The following SH3KBP1 variants were observed in gnomAD, a reference collection of about 807,000 sequenced individuals.
SH3KBP1 encodes SH3 domain-containing kinase-binding protein 1.
SH3KBP1 carries 8 observed loss-of-function variants against 50.1 expected under a neutral mutation model. The ratio of observed to expected loss-of-function variants is 0.16; its 90% CI spans 0.09 to 0.29. The LOEUF (loss-of-function observed/expected upper bound fraction) is 0.29. Ranked by LOEUF, SH3KBP1 falls within the 10% of genes least tolerant of loss-of-function variation. SH3KBP1 has a pLI of 1.00. For synonymous variants in SH3KBP1, 227 were observed against 218.6 expected (o/e 1.04, Z -0.34); for missense variants, 377 against 535.2 (o/e 0.70, Z 2.92).
chrX:19,732,435 C>T (rs999865251), intron 3 of SH3KBP1, among the ~76,000 whole-genome samples: 1 of 110,158 alleles, frequency 9.1e-6, no homozygotes, highest in African/African-American at 3.3e-5. Context: ...CGGGAAAAAT[C>T]GGCCCTCTGT....
chrX:19,602,156 A>G (rs761826999), intron 9 of SH3KBP1, among the ~76,000 whole-genome samples: 7 of 110,864 alleles, frequency 6.3e-5, no homozygotes, highest in African/African-American at 2.0e-4. Context: ...CTCTTGGTCT[A>G]GGAAGGACAA....
In SH3KBP1 at chrX:19,577,385, G is replaced by T. The variant is rs767818481; in HGVS notation, c.1299-8197C>A. On this transcript the variant is annotated intron_variant, in intron 12 of 17. Transcript: ENST00000397821. ...TTGGAGACAGTGAGTTATCAAGGAC[G>T]CCAGGCAGCCTGTGTCACCCCGGCT... is the stretch of plus-strand genomic sequence containing the variant. Among the ~76,000 whole-genome samples, 5 of 111,549 alleles carry T rather than the reference G, an allele frequency of 4.5e-5. No individual in the cohort carries two copies. In the East Asian group the frequency reaches 1.4e-3, roughly 31 times the overall value.
intron 2 of SH3KBP1, among the ~76,000 whole-genome samples, chrX:19,748,434 C>T (rs1174981489): frequency 2.7e-5 from 3 of 111,100 alleles, no homozygotes; most frequent in Admixed American, 9.5e-5. Context: ...CAGAGCAGCA[C>T]GTGGGGAGCA....
At chrX:19,630,442 G>C (rs923558942) in intron 8 of SH3KBP1, among the ~76,000 whole-genome samples, 21 of 112,312 alleles carry the variant, frequency 1.9e-4, no homozygotes, top group African/African-American at 6.2e-4. Flanking sequence ...TGCACTGTGT[G>C]TCAGAAAGCA....
intron 3 of SH3KBP1, among the ~76,000 whole-genome samples, chrX:19,726,007 C>A (rs1315208317): frequency 1.8e-5 from 2 of 111,813 alleles, no homozygotes; most frequent in East Asian, 5.6e-4. Context: ...GGAGGGAGGG[C>A]CAGCCTAGAG....
chrX:19,729,571 A>G (rs751183588), intron 3 of SH3KBP1, among the ~76,000 whole-genome samples: 52 of 112,309 alleles, frequency 4.6e-4, no homozygotes, highest in Non-Finnish European at 8.6e-4. Flanking sequence ...AAACTGCAAA[A>G]GCATTTCTGT....
chrX:19,783,564 C>T (rs2066250715), intron 2 of SH3KBP1, among the ~76,000 whole-genome samples: 1 of 111,430 alleles, frequency 9.0e-6, no homozygotes, highest in African/African-American at 3.3e-5. Flanking sequence ...CTGTACCCTT[C>T]CCAACCTCTT....
chrX:19,834,168 G>A (rs769119456), intron 2 of SH3KBP1, among the ~76,000 whole-genome samples: 9 of 112,022 alleles, frequency 8.0e-5, no homozygotes, highest in Admixed American at 1.9e-4. Flanking sequence ...ATTCATTTTC[G>A]ACTCTGAAAG....
intron 13 of SH3KBP1, among the ~76,000 whole-genome samples, chrX:19,567,694 T>C (rs1254450391): frequency 9.5e-6 from 1 of 105,423 alleles, no homozygotes; most frequent in Non-Finnish European, 1.9e-5. Flanking sequence ...TGTAAGATGT[T>C]ACTATTGGGG....
intron 12 of SH3KBP1, among the ~76,000 whole-genome samples, chrX:19,573,804 C>A (rs2066116571): frequency 9.0e-6 from 1 of 111,193 alleles, no homozygotes; most frequent in East Asian, 2.8e-4. Flanking sequence ...GTTATGAACC[C>A]TAGACTTAAA....
intron 9 of SH3KBP1, among the ~76,000 whole-genome samples, chrX:19,603,500 C>A (rs2067154379): frequency 8.9e-6 from 1 of 111,967 alleles, no homozygotes; most frequent in Non-Finnish European, 1.9e-5. Flanking sequence ...TCTTCGAGGG[C>A]AGGTTTCTGA....
At chrX:19,810,934 A>G (rs2067187366) in intron 2 of SH3KBP1, among the ~76,000 whole-genome samples, 1 of 112,047 alleles carries the variant, frequency 8.9e-6, no homozygotes, top group African/African-American at 3.2e-5. Flanking sequence ...AATAAGCACA[A>G]AGAAGTGATT....
intron 2 of SH3KBP1, among the ~76,000 whole-genome samples, chrX:19,831,651 C>T (rs887010227): frequency 9.4e-6 from 1 of 106,881 alleles, no homozygotes; most frequent in Non-Finnish European, 1.9e-5. Flanking sequence ...ATCAGCCAGG[C>T]GTGGTGGCAC....
intron 1 of SH3KBP1, among the ~76,000 whole-genome samples, chrX:19,854,162 C>CAA: frequency 9.1e-6 from 1 of 110,095 alleles, no homozygotes; most frequent in African/African-American, 3.3e-5. Context: ...ATTGCCCAGG[C>CAA]TGGAGTGCAG....
At chrX:19,779,924 G>A (rs1467733271) in intron 2 of SH3KBP1, among the ~76,000 whole-genome samples, 2 of 108,389 alleles carry the variant, frequency 1.8e-5, no homozygotes, top group African/African-American at 6.7e-5. Context: ...ATGATTTATA[G>A]TCCTTTGGGT....
Position 19,846,717 on chromosome X carries a change from A to G in SH3KBP1, c.5-10435T>C, listed in dbSNP as rs566381773. Reference sequence around the variant, plus strand: ...ATTACAGATTATGTGAAATAAAATAATTAGAAAACATCGCTCCCCACCCCC... The same window carrying G: ...ATTACAGATTATGTGAAATAAAATAGTTAGAAAACATCGCTCCCCACCCCC... On this transcript the variant is annotated intron_variant, in intron 1 of 17. Transcript: ENST00000397821. Among the ~76,000 whole-genome samples, 4 of 112,145 alleles carry G rather than the reference A, an allele frequency of 3.6e-5. No homozygotes were observed. In the South Asian group the frequency reaches 1.5e-3, roughly 42 times the overall value.
chrX:19,606,763 G>A (rs1375412207), intron 9 of SH3KBP1, among the ~76,000 whole-genome samples: 3 of 111,974 alleles, frequency 2.7e-5, no homozygotes, highest in Non-Finnish European at 5.6e-5. Context: ...AAGCTCTCAG[G>A]TGATGCTGCT....
chrX:19,835,035 T>G (rs2068018837), intron 2 of SH3KBP1, among the ~76,000 whole-genome samples: 1 of 98,435 alleles, frequency 1.0e-5, no homozygotes, highest in African/African-American at 3.8e-5. Flanking sequence ...AGCAAGACTG[T>G]CTCAAAAAAA....
chrX:19,845,495 C>T (rs1385376876), intron 1 of SH3KBP1, among the ~76,000 whole-genome samples: 1 of 109,902 alleles, frequency 9.1e-6, no homozygotes. Context: ...AACAGGCAGA[C>T]AACAACAACA....
Sources: gnomAD v4.1 joint callset for allele counts (sites outside exome capture counted in the v4.1 genomes callset) on GRCh38, gnomAD v4.1.1 for gene constraint, MANE v1.5 for transcripts, NCBI Gene and HGNC (gene_info 2026-07-23, HGNC 2026-07-21) for gene names.